GRIP1: variants seen among roughly 807,000 people sequenced by gnomAD.
GRIP1 encodes glutamate receptor interacting protein 1, also known as glutamate receptor-interacting protein 1.
Under a neutral mutation model 129.9 loss-of-function variants are expected in GRIP1, and 45 were observed. The observed-to-expected ratio is 0.35, with a 90% CI of 0.27 to 0.44. GRIP1 has a LOEUF of 0.44. GRIP1 is among the 20% of genes least tolerant of loss of function. The pLI is 1.00. For synonymous variants in GRIP1, 530 were observed against 520.8 expected (o/e 1.02, Z -0.24); for missense variants, 1,196 against 1,396.8 (o/e 0.86, Z 2.29).
chr12:66,546,841 T>C (rs1457376616), intron 2 of GRIP1, among the ~76,000 whole-genome samples: 1 of 146,126 alleles, frequency 6.8e-6, no homozygotes, highest in East Asian at 2.1e-4. Flanking sequence ...TTTTAAGATC[T>C]AGGTTTAGCG....
At chr12:66,841,069 G>T (rs1349012672) in intron 1 of GRIP1, among the ~76,000 whole-genome samples, 1 of 152,116 alleles carries the variant, frequency 6.6e-6, no homozygotes, top group Non-Finnish European at 1.5e-5. Flanking sequence ...TGTTTTTTCT[G>T]AAATTCAAAT....
chr12:67,043,406 G>C (rs1220522805), intron 1 of GRIP1, among the ~76,000 whole-genome samples: 1 of 151,998 alleles, frequency 6.6e-6, no homozygotes. Context: ...TTTTTCTTCT[G>C]AGACCGCAAA....
chr12:66,347,762 T>G lies in GRIP1; in HGVS notation c.*1257A>C, dbSNP rs901020391. 3 of 152,188 alleles carry G rather than the reference T, an allele frequency of 2.0e-5. No individual in the cohort carries two copies. The highest frequency in any genetic ancestry group is 6.5e-5 in the Admixed American group (1 of 15,278). 9.4% of individuals were successfully genotyped at this position (152,188 alleles called of 1,614,324 possible). A position where few individuals can be genotyped will look rare whatever the true frequency, so the allele number is the denominator to read the frequency against. ...TTTGCACAAAAAGAAAGGTGATTTT[T>G]TTTTTATATTTCCTTAAACAAAGGA... On this transcript the variant is annotated 3_prime_UTR_variant, in exon 25 of 25. Coordinates refer to ENST00000359742, the MANE Select transcript of GRIP1 (RefSeq NM_001366722.1).
intron 1 of GRIP1, among the ~76,000 whole-genome samples, chr12:66,963,174 G>C (rs760519946): frequency 6.6e-5 from 10 of 152,050 alleles, no homozygotes; most frequent in South Asian, 2.1e-4. Flanking sequence ...CATTAGCCAG[G>C]TGTGGTGGCA....
chr12:67,049,392 T>C (rs925705353), intron 1 of GRIP1, among the ~76,000 whole-genome samples: 2 of 152,206 alleles, frequency 1.3e-5, no homozygotes, highest in Admixed American at 6.5e-5. Context: ...TAAAAAAGAA[T>C]GAGTTCATGT....
chr12:66,986,744 G>T (rs1339383313), intron 1 of GRIP1, among the ~76,000 whole-genome samples: 1 of 145,898 alleles, frequency 6.9e-6, no homozygotes, highest in Non-Finnish European at 1.5e-5. Context: ...CGAGTTAATG[G>T]GTACAGCACA....
intron 1 of GRIP1, among the ~76,000 whole-genome samples, chr12:66,718,327 G>A (rs939127023): frequency 1.3e-5 from 2 of 152,026 alleles, no homozygotes; most frequent in African/African-American, 4.8e-5. Context: ...CATTTTACAG[G>A]CAGAAAAAGA....
intron 11 of GRIP1, among the ~76,000 whole-genome samples, chr12:66,450,031 T>C (rs1261158988): frequency 1.3e-5 from 2 of 151,858 alleles, no homozygotes; most frequent in African/African-American, 4.8e-5. Context: ...CCGGGCGCGG[T>C]GGCTCACGCC....
At chr12:67,039,255 C>A (rs1465063939) in intron 1 of GRIP1, among the ~76,000 whole-genome samples, 1 of 152,098 alleles carries the variant, frequency 6.6e-6, no homozygotes, top group African/African-American at 2.4e-5. Context: ...TACTTAAATA[C>A]CTTGCTTATC....
intron 14 of GRIP1, among the ~76,000 whole-genome samples, chr12:66,423,886 T>C (rs1176678297): frequency 6.6e-6 from 1 of 152,176 alleles, no homozygotes; most frequent in Non-Finnish European, 1.5e-5. Flanking sequence ...TACAACTCTT[T>C]GAAATTTCAA....
At chr12:66,528,829 T>G (rs1003102287) in intron 5 of GRIP1, among the ~76,000 whole-genome samples, 2 of 152,176 alleles carry the variant, frequency 1.3e-5, no homozygotes, top group African/African-American at 4.8e-5. Flanking sequence ...AATGTTGCGT[T>G]TATTTAAAGA....
chr12:66,414,246 T>A (rs535529058), intron 15 of GRIP1, among the ~76,000 whole-genome samples: 16 of 152,200 alleles, frequency 1.1e-4, no homozygotes, highest in African/African-American at 3.9e-4. Flanking sequence ...TTCAGCAAAG[T>A]CTCCACATAC....
intron 16 of GRIP1, among the ~76,000 whole-genome samples, chr12:66,395,042 C>T (rs2056737547): frequency 6.6e-6 from 1 of 152,138 alleles, no homozygotes; most frequent in Admixed American, 6.5e-5. Context: ...AGCTATGTTT[C>T]AACAGCATAG....
intron 19 of GRIP1, 60 bp from the exon 20 acceptor site, chr12:66,379,496 G>C: frequency 6.5e-7 from 1 of 1,538,526 alleles, no homozygotes; most frequent in Non-Finnish European, 9.0e-7. Flanking sequence ...ATTGAGAAAT[G>C]ACATTGTTAA....
At chr12:67,068,844 T>C (rs1458789943) in intron 1 of GRIP1, among the ~76,000 whole-genome samples, 58 of 6,980 alleles carry the variant, frequency 8.3e-3, no homozygotes, top group Non-Finnish European at 8.6e-3. Context: ...CCCGCTGCCC[T>C]CTCATCCCGC....
intron 1 of GRIP1, among the ~76,000 whole-genome samples, chr12:66,884,338 T>C (rs1242729256): frequency 1.3e-5 from 2 of 152,172 alleles, no homozygotes; most frequent in Non-Finnish European, 2.9e-5. Flanking sequence ...CTCCAGCCTC[T>C]AATAATTATG....
chr12:66,582,263 A>G (rs2063418079), intron 2 of GRIP1, among the ~76,000 whole-genome samples: 1 of 144,672 alleles, frequency 6.9e-6, no homozygotes, highest in Non-Finnish European at 1.5e-5. Context: ...TCTCAAAATA[A>G]TAAGAGCTAT....
intron 16 of GRIP1, among the ~76,000 whole-genome samples, chr12:66,403,422 T>G (rs545677971): frequency 5.3e-5 from 8 of 152,204 alleles, no homozygotes; most frequent in Non-Finnish European, 5.9e-5. Context: ...CCTCCCTTAC[T>G]TTGCTCTGAA....
intron 4 of GRIP1, among the ~76,000 whole-genome samples, chr12:66,535,058 C>T (rs971205288): frequency 1.3e-5 from 2 of 152,078 alleles, no homozygotes; most frequent in African/African-American, 2.4e-5. Flanking sequence ...CTTCCCTTCG[C>T]GCTGCACCCT....
Sources: gnomAD v4.1 joint callset for allele counts (sites outside exome capture counted in the v4.1 genomes callset) on GRCh38, gnomAD v4.1.1 for gene constraint, MANE v1.5 for transcripts, NCBI Gene and HGNC (gene_info 2026-07-23, HGNC 2026-07-21) for gene names.